The following C1QTNF7 variants were observed in gnomAD, a reference collection of about 807,000 sequenced individuals.
C1QTNF7 encodes complement C1q tumor necrosis factor-related protein 7.
In C1QTNF7, 15 loss-of-function variants were observed where a neutral mutation model predicts 19.6. The ratio of observed to expected loss-of-function variants is 0.76; its 90% CI spans 0.51 to 1.18. C1QTNF7 has a LOEUF of 1.18. C1QTNF7 is among the 50% of genes most tolerant of loss of function. C1QTNF7 has a pLI of 0.00. For synonymous variants in C1QTNF7, 142 were observed against 137.5 expected, an observed-to-expected ratio of 1.03 and a Z score of -0.23; for missense variants, 324 against 359.7, an observed-to-expected ratio of 0.90 and a Z score of 0.80.
chr4:15,362,555 A>T (rs1717380630), intron 1 of C1QTNF7: 1 of 152,214 alleles, frequency 6.6e-6, no homozygotes, highest in Non-Finnish European at 1.5e-5. Flanking sequence ...CATATATGTA[A>T]AACACCAAAG....
At chr4:15,349,826 A>G (rs529758399) in intron 1 of C1QTNF7, among the ~76,000 whole-genome samples, 20 of 152,286 alleles carry the variant, frequency 1.3e-4, no homozygotes, top group Admixed American at 1.2e-3. Context: ...AGTTCACTCA[A>G]ATCCTATTTA....
chr4:15,441,927 A>G (rs1712774250), intron 2 of C1QTNF7, among the ~76,000 whole-genome samples: 2 of 152,100 alleles, frequency 1.3e-5, no homozygotes, highest in Admixed American at 1.3e-4. Context: ...AGGCTGAGGC[A>G]GGAGAATTGC....
chr4:15,391,280 C>T (rs1342857476), intron 1 of C1QTNF7, among the ~76,000 whole-genome samples: 1 of 151,980 alleles, frequency 6.6e-6, no homozygotes, highest in African/African-American at 2.4e-5. Context: ...CCTGGACTCC[C>T]AGGGTTGAGT....
chr4:15,409,566 A>G (rs907767936), intron 1 of C1QTNF7, among the ~76,000 whole-genome samples: 1 of 152,206 alleles, frequency 6.6e-6, no homozygotes, highest in Admixed American at 6.5e-5. Flanking sequence ...CATGGTCAGA[A>G]CCTATGAATC....
At chr4:15,349,351 C>T (rs556547089) in intron 1 of C1QTNF7, among the ~76,000 whole-genome samples, 4 of 152,218 alleles carry the variant, frequency 2.6e-5, no homozygotes, top group East Asian at 3.9e-4. Context: ...TGCATTTACG[C>T]TGTATTTTCT....
chr4:15,421,815 T>A (rs771942119), intron 1 of C1QTNF7, among the ~76,000 whole-genome samples: 16 of 152,286 alleles, frequency 1.1e-4, no homozygotes, highest in South Asian at 2.1e-4. Flanking sequence ...AATATATAGA[T>A]ATAGATATTT....
At chr4:15,357,062 T>C (rs562931830) in intron 1 of C1QTNF7, among the ~76,000 whole-genome samples, 30 of 152,188 alleles carry the variant, frequency 2.0e-4, no homozygotes, top group Middle Eastern at 3.4e-3. Context: ...TTCACTCTGA[T>C]GATAGTTTCT....
At chr4:15,437,974 A>C (rs1712602418) in intron 2 of C1QTNF7, among the ~76,000 whole-genome samples, 2 of 152,168 alleles carry the variant, frequency 1.3e-5, no homozygotes, top group Non-Finnish European at 2.9e-5. Flanking sequence ...AGCATAAGAC[A>C]TTGTTCTTGC....
chr4:15,404,114 A>T (rs553714109), intron 1 of C1QTNF7, among the ~76,000 whole-genome samples: 37 of 152,306 alleles, frequency 2.4e-4, no homozygotes, highest in African/African-American at 7.9e-4. Context: ...CTTTAACTTG[A>T]CATTTAAATT....
At chr4:15,340,287 A>C in intron 1 of C1QTNF7, 1 of 1,478,964 alleles carries the variant, frequency 6.8e-7, no homozygotes, top group Non-Finnish European at 9.2e-7. Flanking sequence ...GGGAGAACTT[A>C]AGAAAGCTCC....
intron 1 of C1QTNF7, among the ~76,000 whole-genome samples, chr4:15,394,455 A>G (rs1223520898): frequency 6.6e-6 from 1 of 152,240 alleles, no homozygotes; most frequent in Non-Finnish European, 1.5e-5. Flanking sequence ...CATGTTGCAG[A>G]AAATAGGTAT....
intron 1 of C1QTNF7, among the ~76,000 whole-genome samples, chr4:15,407,201 G>A (rs538834647): frequency 6.6e-6 from 1 of 152,200 alleles, no homozygotes; most frequent in South Asian, 2.1e-4. Context: ...CCCATTGGTG[G>A]TACAGCCCAG....
At chr4:15,367,775 C>CA (rs1459912245) in intron 1 of C1QTNF7, among the ~76,000 whole-genome samples, 38 of 151,512 alleles carry the variant, frequency 2.5e-4, no homozygotes, top group Admixed American at 2.5e-3. Flanking sequence ...AATCAATGAA[C>CA]TTTGCTAGCA....
At position 15,435,786 on chromosome 4, in the gene C1QTNF7, A is replaced by T; in HGVS notation, c.43A>T (p.Ser15Cys). 6.2e-7 allele frequency: 1 copy of T among 1,614,154 alleles called. No individual in the cohort carries two copies. Among genetic ancestry groups the T allele is most frequent in the African/African-American group, 1.3e-5 (1 of 75,032 alleles). The change falls in exon 2 of 3, where the codon AGT becomes TGT. Residue 15 changes from serine (S) to cysteine (C), a missense_variant. Transcript: ENST00000444304. ...TGTTACAAGTTTTGCCATTTGTGCC[A>T]GTGGACAACCCCGGGGTAATCAGTT... ...LYVTSFAICA[S>C]GQPRGNQLKG...
chr4:15,435,290 A>T (rs181049358), intron 1 of C1QTNF7, among the ~76,000 whole-genome samples: 2 of 152,346 alleles, frequency 1.3e-5, no homozygotes, highest in East Asian at 1.9e-4. Flanking sequence ...CTTTCTCCAT[A>T]GTATAGACAA....
chr4:15,406,246 C>G (rs376579723), intron 1 of C1QTNF7, among the ~76,000 whole-genome samples: 1 of 152,164 alleles, frequency 6.6e-6, no homozygotes, highest in South Asian at 2.1e-4. Context: ...CACTTTGCAC[C>G]TAATACATAT....
intron 1 of C1QTNF7, among the ~76,000 whole-genome samples, chr4:15,392,771 T>C (rs766406778): frequency 6.6e-6 from 1 of 152,080 alleles, no homozygotes; most frequent in Non-Finnish European, 1.5e-5. Context: ...AATTATGATA[T>C]AGAAAGGGGC....
upstream of C1QTNF7, among the ~76,000 whole-genome samples, chr4:15,423,109 CAAAG>C (rs1475273094): frequency 6.6e-6 from 1 of 152,172 alleles, no homozygotes; most frequent in African/African-American, 2.4e-5. Flanking sequence ...GGCTGTAGAG[CAAAG>C]ACTCTTTTGG....
intron 1 of C1QTNF7, among the ~76,000 whole-genome samples, chr4:15,383,973 A>T (rs928789819): frequency 1.3e-5 from 2 of 152,210 alleles, no homozygotes; most frequent in African/African-American, 4.8e-5. Context: ...AGGTAGTTAG[A>T]CCAGGTAATC....
Sources: gnomAD v4.1 joint callset for allele counts (sites outside exome capture counted in the v4.1 genomes callset) on GRCh38, gnomAD v4.1.1 for gene constraint, MANE v1.5 for transcripts, NCBI Gene and HGNC (gene_info 2026-07-23, HGNC 2026-07-21) for gene names.